The following DAB1 variants were observed in gnomAD, a reference collection of about 807,000 sequenced individuals.
DAB1 encodes the protein disabled homolog 1.
In DAB1, 15 loss-of-function variants were observed where a neutral mutation model predicts 64.6. That is an observed-to-expected ratio of 0.23 (90% CI 0.16 to 0.36). The LOEUF (loss-of-function observed/expected upper bound fraction) is 0.36, where lower values mean the gene tolerates loss of function less well. DAB1 is among the 10% of genes least tolerant of loss of function. The pLI, the probability that DAB1 is intolerant of heterozygous loss-of-function variation, is 1.00. For missense variants in DAB1, 596 were observed against 706.7 expected (o/e 0.84, Z 1.78); for synonymous variants, 235 against 251.9 (o/e 0.93, Z 0.64).
At chr1:57,414,567 T>A (rs1684352059) in intron 1 of DAB1, among the ~76,000 whole-genome samples, 1 of 152,202 alleles carries the variant, frequency 6.6e-6, no homozygotes, top group Non-Finnish European at 1.5e-5. Flanking sequence ...ATTCTCTTTA[T>A]TGCAGTGGCC....
rs199950663 is a variant in DAB1 at position 57,595,678 on chromosome 1, TG to T, written n.625+53913del. On this transcript the variant is annotated intron_variant and non_coding_transcript_variant, in intron 7 of 20. Transcript: ENST00000485760. The stretch of plus-strand genomic sequence containing the variant: ...AGAATAATAATCCCAGTGTTGGAGG[TG>T]GGGTCTGGTGAGAGGTGATTTGATC... Among the ~76,000 whole-genome samples, 1,065 of 147,950 alleles carry T rather than the reference TG, an allele frequency of 7.2e-3. 12 individuals are homozygous for T. The highest frequency in any genetic ancestry group is 0.026 in the African/African-American group (1,023 of 40,064).
At chr1:57,444,702 C>T (rs910239834) in intron 7 of DAB1, among the ~76,000 whole-genome samples, 27 of 152,210 alleles carry the variant, frequency 1.8e-4, no homozygotes, top group African/African-American at 5.1e-4. Context: ...AAAGTGGAGT[C>T]GTATGGCCAC....
intron 4 of DAB1, among the ~76,000 whole-genome samples, chr1:58,156,400 A>C (rs1166692807): frequency 6.6e-6 from 1 of 152,180 alleles, no homozygotes; most frequent in Non-Finnish European, 1.5e-5. Flanking sequence ...AAGTGTAGCT[A>C]GTTTCTTATG....
intron 7 of DAB1, among the ~76,000 whole-genome samples, chr1:57,629,348 T>C (rs1645960211): frequency 6.6e-6 from 1 of 152,170 alleles, no homozygotes; most frequent in African/African-American, 2.4e-5. Context: ...GACCACTGGC[T>C]GCAGTGTTTG....
chr1:58,098,349 G>C (rs780852515), intron 5 of DAB1, among the ~76,000 whole-genome samples: 1 of 152,174 alleles, frequency 6.6e-6, no homozygotes, highest in Non-Finnish European at 1.5e-5. Flanking sequence ...AGAGCAAGGG[G>C]AGACAGTGGT....
intron 1 of DAB1, among the ~76,000 whole-genome samples, chr1:57,310,182 A>G (rs896956860): frequency 1.3e-5 from 2 of 152,194 alleles, no homozygotes; most frequent in Non-Finnish European, 2.9e-5. Context: ...AAGAAAAGTA[A>G]GGATGGGAGG....
intron 4 of DAB1, among the ~76,000 whole-genome samples, chr1:58,245,084 T>C (rs1314654343): frequency 2.0e-5 from 3 of 152,216 alleles, no homozygotes; most frequent in East Asian, 3.8e-4. Context: ...ACTCTCTCCA[T>C]GGTTCTGATT....
intron 6 of DAB1, among the ~76,000 whole-genome samples, chr1:57,776,694 C>A (rs978248893): frequency 6.6e-6 from 1 of 151,716 alleles, no homozygotes; most frequent in Non-Finnish European, 1.5e-5. Context: ...TAATATTATA[C>A]CATTTCACAT....
At chr1:58,349,219 T>C (rs527854251) in intron 3 of DAB1, among the ~76,000 whole-genome samples, 2 of 152,276 alleles carry the variant, frequency 1.3e-5, no homozygotes, top group African/African-American at 4.8e-5. Context: ...GCTCTTCTCT[T>C]AGTTCCATGA....
At position 57,113,348 on chromosome 1, in the gene DAB1, G is replaced by C. The variant is rs548290605; in HGVS notation, c.306+23195C>G. ...GAATTTGAGGCTATTTAAGGACTTGGCTACTATTATTAACTCTATTTCTCA... is the reference window on the plus strand; with the variant it reads ...GAATTTGAGGCTATTTAAGGACTTGCCTACTATTATTAACTCTATTTCTCA... On this transcript the variant is annotated intron_variant, in intron 4 of 14. Coordinates refer to ENST00000371236, the MANE Select transcript of DAB1 (RefSeq NM_001365792.1). 3.3e-5 allele frequency among the ~76,000 whole-genome samples: 5 copies of C among 152,216 alleles called. No homozygotes were observed. In the South Asian group the frequency reaches 1.0e-3, roughly 32 times the overall value.
At chr1:57,070,874 G>C (rs1651388758) in intron 7 of DAB1, 149 bp downstream of exon 7, 3 of 719,752 alleles carry the variant, frequency 4.2e-6, no homozygotes, top group South Asian at 3.3e-5. Flanking sequence ...ATTTGCTCCT[G>C]GAGGGGCTGG....
At chr1:58,386,616 C>T (rs1644434377) in intron 3 of DAB1, among the ~76,000 whole-genome samples, 1 of 152,178 alleles carries the variant, frequency 6.6e-6, no homozygotes. Flanking sequence ...AGTTCTATGA[C>T]TTTCAGCAAG....
intron 6 of DAB1, among the ~76,000 whole-genome samples, chr1:57,796,002 T>C (rs1650841443): frequency 6.6e-6 from 1 of 151,770 alleles, no homozygotes; most frequent in African/African-American, 2.4e-5. Context: ...TATATATACA[T>C]ATATATGCAC....
chr1:57,705,607 T>A (rs1022478889), intron 6 of DAB1, among the ~76,000 whole-genome samples: 4 of 152,158 alleles, frequency 2.6e-5, no homozygotes, highest in African/African-American at 9.6e-5. Flanking sequence ...ATAAAGTTAA[T>A]AAAAAGCTCT....
chr1:58,222,452 G>A (rs1659226464), intron 4 of DAB1, among the ~76,000 whole-genome samples: 1 of 152,086 alleles, frequency 6.6e-6, no homozygotes, highest in African/African-American at 2.4e-5. Context: ...CCTTTCTATA[G>A]AACTGACTTT....
chr1:57,704,075 T>A (rs892788430), intron 6 of DAB1, among the ~76,000 whole-genome samples: 2 of 151,888 alleles, frequency 1.3e-5, no homozygotes, highest in African/African-American at 4.8e-5. Flanking sequence ...TCAGGAAAAA[T>A]AACTAATGGG....
intron 4 of DAB1, among the ~76,000 whole-genome samples, chr1:58,269,502 TA>T (rs1340849289): frequency 7.0e-6 from 1 of 142,892 alleles, no homozygotes; most frequent in East Asian, 2.1e-4. Flanking sequence ...TGTGTCTTTA[TA>T]GCAGCATGAT....
chr1:58,493,000 C>T (rs1441662967), intron 3 of DAB1, among the ~76,000 whole-genome samples: 2 of 152,050 alleles, frequency 1.3e-5, no homozygotes, highest in African/African-American at 4.8e-5. Context: ...TGATGAACAT[C>T]AATGCAAAAA....
intron 3 of DAB1, among the ~76,000 whole-genome samples, chr1:58,452,854 C>G (rs563812701): frequency 1.4e-5 from 2 of 144,558 alleles, no homozygotes; most frequent in Non-Finnish European, 3.1e-5. Context: ...AAAAACAAAA[C>G]AAAAAAAAAA....
Sources: gnomAD v4.1 joint callset for allele counts (sites outside exome capture counted in the v4.1 genomes callset) on GRCh38, gnomAD v4.1.1 for gene constraint, MANE v1.5 for transcripts, NCBI Gene and HGNC (gene_info 2026-07-23, HGNC 2026-07-21) for gene names.